The following CACNA2D1 variants were observed in gnomAD, a reference collection of about 807,000 sequenced individuals.
CACNA2D1 encodes calcium voltage-gated channel auxiliary subunit alpha2delta 1.
CACNA2D1 carries 53 observed loss-of-function variants against 171.5 expected under a neutral mutation model. That is an observed-to-expected ratio of 0.31 (90% confidence interval 0.25 to 0.39). The LOEUF is 0.39. CACNA2D1 is among the 10% of genes least tolerant of loss of function. The pLI, the probability that CACNA2D1 is intolerant of heterozygous loss-of-function variation, is 1.00. For synonymous variants in CACNA2D1, 442 were observed against 443.1 expected (o/e 1.00, Z 0.03); for missense variants, 903 against 1,299.8 (o/e 0.69, Z 4.69).
At chr7:82,096,467 G>C (rs570039642) in intron 6 of CACNA2D1, among the ~76,000 whole-genome samples, 1 of 151,966 alleles carries the variant, frequency 6.6e-6, no homozygotes. Context: ...AGATTGACTA[G>C]GTGGCTACCG....
chr7:82,005,554 A>C, intron 17 of CACNA2D1, 57 bp from the exon 18 acceptor site: 1 of 1,132,936 alleles, frequency 8.8e-7, no homozygotes, highest in East Asian at 2.6e-5. Context: ...TTAGAAATCT[A>C]TATTCTTTTA....
Position 81,991,764 on chromosome 7 carries a change from C to G in CACNA2D1, c.1735-518G>C, listed in dbSNP as rs998702763. On this transcript the variant is annotated intron_variant, in intron 20 of 38. Transcript: ENST00000356860. ...CCCACCAGGGAAAGAAAATACAGAGCTAAGGAAGTTCATGCATGGCTCTAT... is the reference window on the plus strand; with the variant it reads ...CCCACCAGGGAAAGAAAATACAGAGGTAAGGAAGTTCATGCATGGCTCTAT... 3.3e-5 allele frequency among the ~76,000 whole-genome samples: 5 copies of G among 152,074 alleles called. No individual in the cohort carries two copies. The East Asian group carries it at 9.7e-4, about 29-fold the overall frequency.
chr7:82,375,567 G>A (rs10272528), intron 1 of CACNA2D1, among the ~76,000 whole-genome samples: 10,591 of 152,022 alleles, frequency 0.07, 1,122 homozygotes, highest in African/African-American at 0.23. Context: ...CTTGGAGTAC[G>A]TATTATCTAC....
intron 3 of CACNA2D1, among the ~76,000 whole-genome samples, chr7:82,229,911 A>G (rs913083014): frequency 6.6e-6 from 1 of 152,132 alleles, no homozygotes; most frequent in African/African-American, 2.4e-5. Context: ...TCTAATTTGT[A>G]TGGTTTTATT....
intron 4 of CACNA2D1, among the ~76,000 whole-genome samples, chr7:82,150,276 C>CAAA (rs1563122961): frequency 5.2e-5 from 4 of 76,960 alleles, no homozygotes; most frequent in Non-Finnish European, 9.4e-5. Flanking sequence ...AAAACAAAAA[C>CAAA]AACAACAAAA....
At chr7:81,974,838 C>T (rs1795666140) in intron 24 of CACNA2D1, among the ~76,000 whole-genome samples, 2 of 151,544 alleles carry the variant, frequency 1.3e-5, no homozygotes, top group Non-Finnish European at 2.9e-5. Flanking sequence ...TTAGGAGTCT[C>T]ATATAGCAAT....
intron 3 of CACNA2D1, among the ~76,000 whole-genome samples, chr7:82,211,953 G>A (rs1429467369): frequency 1.3e-5 from 2 of 152,042 alleles, no homozygotes; most frequent in South Asian, 2.1e-4. Flanking sequence ...GTACCTCATC[G>A]TGGTTTTGTT....
rs140945589 is a variant in CACNA2D1, at chr7:81,998,311, G to A, written c.1591-1061C>T. On this transcript the variant is annotated intron_variant, in intron 18 of 38. Coordinates refer to ENST00000356860, the MANE Select transcript of CACNA2D1 (RefSeq NM_000722.4). ...TGATAACTAGATTCCAGTAACAAAC[G>A]CAAACTATGCTGGATTAGTGCAAAG... Among the ~76,000 whole-genome samples, 504 of 151,754 alleles carry A rather than the reference G, an allele frequency of 3.3e-3. 2 individuals carry two copies. The highest frequency in any genetic ancestry group is 0.011 in the African/African-American group (474 of 41,414).
intron 13 of CACNA2D1, 82 bp downstream of exon 13, chr7:82,014,319 G>A (rs925902446): frequency 2.8e-5 from 21 of 758,730 alleles, no homozygotes; most frequent in Admixed American, 1.2e-4. Context: ...TACAATTTTA[G>A]CTTATTTTAA....
intron 1 of CACNA2D1, among the ~76,000 whole-genome samples, chr7:82,433,059 G>A (rs536073467): frequency 1.3e-5 from 2 of 152,082 alleles, no homozygotes; most frequent in East Asian, 3.9e-4. Context: ...GTGGTGGCGT[G>A]CGCCTGTAGT....
At chr7:82,388,203 A>G (rs11980493) in intron 1 of CACNA2D1, among the ~76,000 whole-genome samples, 3,196 of 152,262 alleles carry the variant, frequency 0.021, 106 homozygotes, top group African/African-American at 0.073. Context: ...CTGACTTTCT[A>G]TTTACAAATT....
intron 3 of CACNA2D1, among the ~76,000 whole-genome samples, chr7:82,214,413 C>T (rs1322716866): frequency 2.7e-5 from 4 of 150,686 alleles, no homozygotes; most frequent in African/African-American, 4.9e-5. Context: ...AAGTTTCCTT[C>T]GGGGAAGGAG....
intron 3 of CACNA2D1, among the ~76,000 whole-genome samples, chr7:82,170,949 C>G (rs1795954152): frequency 6.6e-6 from 1 of 151,940 alleles, no homozygotes; most frequent in Admixed American, 6.6e-5. Flanking sequence ...TTCATAGAAT[C>G]TTATTTTTAG....
chr7:82,160,455 TTTA>T (rs745330765), intron 4 of CACNA2D1, among the ~76,000 whole-genome samples: 59 of 152,248 alleles, frequency 3.9e-4, no homozygotes, highest in Admixed American at 2.0e-3. Flanking sequence ...TGTCAGAATT[TTTA>T]TTATTATAGA....
chr7:82,304,416 C>T (rs1813451500), intron 3 of CACNA2D1, among the ~76,000 whole-genome samples: 1 of 150,536 alleles, frequency 6.6e-6, no homozygotes, highest in Admixed American at 6.6e-5. Flanking sequence ...TGTTGCAGCA[C>T]TATAACACAA....
chr7:82,436,466 C>T (rs902357615), intron 1 of CACNA2D1, among the ~76,000 whole-genome samples: 10 of 151,998 alleles, frequency 6.6e-5, no homozygotes, highest in Non-Finnish European at 1.3e-4. Flanking sequence ...TTTTTAAGTA[C>T]TTATGTTCTG....
At chr7:82,077,544 T>C (rs1809137162) in intron 7 of CACNA2D1, among the ~76,000 whole-genome samples, 1 of 152,178 alleles carries the variant, frequency 6.6e-6, no homozygotes, top group African/African-American at 2.4e-5. Context: ...TTAACTCTGA[T>C]TGACATGAGT....
chr7:81,952,675 C>CTCTAAAAT (rs1481127906), intron 38 of CACNA2D1, among the ~76,000 whole-genome samples: 2 of 152,040 alleles, frequency 1.3e-5, no homozygotes, highest in African/African-American at 2.4e-5. Flanking sequence ...CTTTCATGCT[C>CTCTAAAAT]TCTAAAATGT....
intron 24 of CACNA2D1, among the ~76,000 whole-genome samples, chr7:81,980,287 C>T (rs1218448998): frequency 6.7e-6 from 1 of 148,156 alleles, no homozygotes; most frequent in East Asian, 2.0e-4. Flanking sequence ...GGCCATGTAG[C>T]AAGTGATTTA....
Sources: allele counts gnomAD v4.1 joint callset (sites outside exome capture counted in the v4.1 genomes callset), GRCh38; gene constraint gnomAD v4.1.1; transcripts MANE v1.5; gene names NCBI Gene and HGNC (gene_info 2026-07-23, HGNC 2026-07-21).